Variants in SFI1 observed in about 807,000 individuals in gnomAD.
SFI1 encodes protein SFI1 homolog.
In SFI1, 195 loss-of-function variants were observed where a neutral mutation model predicts 207.5. The observed-to-expected ratio is 0.94, with a 90% confidence interval of 0.84 to 1.06. The LOEUF (loss-of-function observed/expected upper bound fraction) is 1.06. Among genes scored for constraint, SFI1 ranks in the 50% least tolerant of loss-of-function variants. The pLI, the probability that SFI1 is intolerant of heterozygous loss-of-function variation, is 0.00. For missense variants in SFI1, 1,634 were observed against 1,588.0 expected (o/e 1.03, Z -0.49); for synonymous variants, 630 against 598.9 (o/e 1.05, Z -0.76).
At position 31,549,495 on chromosome 22, in the gene SFI1, G is replaced by T. The variant is rs184480160; in HGVS notation, c.450-759G>T. On this transcript the variant is annotated intron_variant, in intron 5 of 32. Coordinates refer to ENST00000400288, the MANE Select transcript of SFI1 (RefSeq NM_001007467.3). ...CCCTCCTGCCTCAGCCTCCTGAGTA[G>T]CTGAGACTACAGGCACATGCTACTA... Among the ~76,000 whole-genome samples, 369 of 151,916 alleles carry T rather than the reference G, an allele frequency of 2.4e-3. 1 individual carries two copies. Among genetic ancestry groups the T allele is most frequent in the Non-Finnish European group, 4.2e-3 (288 of 67,976 alleles).
In SFI1 at chr22:31,546,648, T is replaced by C. The variant is rs899215754; in HGVS notation, c.339-213T>C. Among the ~76,000 whole-genome samples, 3 of 145,878 alleles carry C rather than the reference T, an allele frequency of 2.1e-5. 1 individual carries two copies. The highest frequency in any genetic ancestry group is 4.3e-4 in the South Asian group (2 of 4,608). On this transcript the variant is annotated intron_variant, in intron 4 of 32. Coordinates refer to ENST00000400288, the MANE Select transcript of SFI1 (RefSeq NM_001007467.3). Reference sequence around the variant, plus strand: ...GTTTACTTTTTTTTTTTTTTTTTTTTAGTAGAGACGGGGTTTCACCATGTT... The same window carrying C: ...GTTTACTTTTTTTTTTTTTTTTTTTCAGTAGAGACGGGGTTTCACCATGTT...
At chr22:31,505,715 T>C (rs573219033) in intron 1 of SFI1, among the ~76,000 whole-genome samples, 4 of 150,398 alleles carry the variant, frequency 2.7e-5, no homozygotes, top group African/African-American at 9.7e-5. Context: ...CAAGACCCTG[T>C]CTCTACAAAT....
rs374653434 is a variant in SFI1, at chr22:31,536,899, T to A, written c.338+5770T>A. Reference sequence around the variant, plus strand: ...GAGATTTGTTTTTTCTGTTTTTTGTTTTTTTTTTTAAAATTAACTTTTTTT... The same window carrying A: ...GAGATTTGTTTTTTCTGTTTTTTGTATTTTTTTTTAAAATTAACTTTTTTT... On this transcript the variant is annotated intron_variant, in intron 4 of 32. Transcript: ENST00000400288. Among the ~76,000 whole-genome samples the A allele has an allele frequency of 7.1e-3, 1,072 of 151,086 alleles. 19 individuals are homozygous for A. The highest frequency in any genetic ancestry group is 0.023 in the African/African-American group (969 of 41,266).
chr22:31,601,150 T>G (rs1376092013), intron 15 of SFI1, among the ~76,000 whole-genome samples: 5 of 80,684 alleles, frequency 6.2e-5, no homozygotes, highest in African/African-American at 1.7e-4. Flanking sequence ...TTTTTTTTTT[T>G]GCAACCTCTG....
chr22:31,498,820 A>T (rs1294795080), intron 1 of SFI1, among the ~76,000 whole-genome samples: 1 of 151,674 alleles, frequency 6.6e-6, no homozygotes, highest in Non-Finnish European at 1.5e-5. Context: ...CTGCAACCTC[A>T]TGATAAAACT....
At chr22:31,519,437 ATT>A (rs756071630) in intron 2 of SFI1, among the ~76,000 whole-genome samples, 9 of 137,568 alleles carry the variant, frequency 6.5e-5, no homozygotes, top group African/African-American at 1.3e-4. Flanking sequence ...CATCTGGCTA[ATT>A]TTTTTTTTTT....
chr22:31,611,223 G>A lies in SFI1; in HGVS notation c.2335G>A (p.Val779Met). Residue 779 changes from valine to methionine, a missense_variant, in exon 23 of 33, where the codon GTG (valine) becomes ATG (methionine). Transcript: ENST00000400288. ...GCAGAGACTGCAGCTGGAGAGGGCA[G>A]TGCAACACCACCACCGGCAGCTGCT... ...AQQRLQLERA[V>M]QHHHRQLLLE... is the part of the protein sequence containing the mutation. The A allele has an allele frequency of 3.7e-6, 6 of 1,613,958 alleles. No homozygotes were observed. Among genetic ancestry groups the A allele is most frequent in the Non-Finnish European group, 2.5e-6 (3 of 1,180,012 alleles).
chr22:31,591,747 C>T (rs1239443781), intron 15 of SFI1, among the ~76,000 whole-genome samples: 1 of 57,674 alleles, frequency 1.7e-5, no homozygotes, highest in Non-Finnish European at 3.3e-5. Context: ...CCTCACCTCC[C>T]GGACGGGGCG....
chr22:31,606,081 C>T (rs1213027280), intron 20 of SFI1: 2 of 487,222 alleles, frequency 4.1e-6, no homozygotes. Context: ...CCCCGTAGCA[C>T]CTGGAGTTTG....
chr22:31,546,809 G>C, intron 4 of SFI1, 52 bp from the exon 5 acceptor site: 1 of 1,258,674 alleles, frequency 7.9e-7, no homozygotes, highest in Non-Finnish European at 1.1e-6. Context: ...TTTGGGAAGA[G>C]ATGTTAGCTC....
rs190779031 is a variant in SFI1, at chr22:31,546,581, A to G, written c.339-280A>G. On this transcript the variant is annotated intron_variant, in intron 4 of 32. Coordinates refer to ENST00000400288, the MANE Select transcript of SFI1 (RefSeq NM_001007467.3). The stretch of plus-strand genomic sequence containing the variant: ...GTGATCCACCCGCCTTGGCCTCCCA[A>G]AGTACTGGGATTACAGGTGTGAGGC... Among the ~76,000 whole-genome samples, 529 of 151,588 alleles carry G rather than the reference A, an allele frequency of 3.5e-3. 1 individual carries two copies. Among genetic ancestry groups the G allele is most frequent in the Admixed American group, 6.2e-3 (94 of 15,218 alleles).
At chr22:31,617,234 CT>C (rs1481361785) in intron 31 of SFI1, among the ~76,000 whole-genome samples, 156 bp downstream of exon 31, 1 of 152,074 alleles carries the variant, frequency 6.6e-6, no homozygotes. Context: ...TCAGTGTGTG[CT>C]GTCCAGAAAG....
intron 14 of SFI1, among the ~76,000 whole-genome samples, chr22:31,586,279 G>A (rs866196783): frequency 2.2e-4 from 34 of 152,218 alleles, no homozygotes; most frequent in Middle Eastern, 6.8e-3. Flanking sequence ...CAGAGGCATA[G>A]CTTTATCAGA....
At chr22:31,507,650 T>A (rs553142562) in intron 1 of SFI1, among the ~76,000 whole-genome samples, 1 of 152,214 alleles carries the variant, frequency 6.6e-6, no homozygotes, top group South Asian at 2.1e-4. Flanking sequence ...TACAACATTA[T>A]GAGATAAAAA....
intron 2 of SFI1, among the ~76,000 whole-genome samples, chr22:31,514,128 G>A (rs1368109851): frequency 1.6e-5 from 2 of 125,408 alleles, no homozygotes; most frequent in African/African-American, 6.1e-5. Context: ...GTGACGGAGT[G>A]AAACTCCATC....
chr22:31,507,562 A>G (rs2054828004), intron 1 of SFI1, among the ~76,000 whole-genome samples: 1 of 152,208 alleles, frequency 6.6e-6, no homozygotes, highest in African/African-American at 2.4e-5. Flanking sequence ...AACTATCATC[A>G]GAGTAAACAG....
chr22:31,612,398 A>AAAAAATATATATATATAT (rs1556369798), intron 24 of SFI1: 1 of 60,202 alleles, frequency 1.7e-5, no homozygotes, highest in African/African-American at 6.6e-5. Flanking sequence ...AAAAAAAAAA[A>AAAAAATATATATATATAT]ATATATATAT....
Position 31,613,751 on chromosome 22 carries a change from T to TGCTGGG in SFI1, c.2900_2905dup (p.Ala967_Gly968dup). ...AGGGTCCCCTTCTCAACCGCATTGC[T>TGCTGGG]GCTGGGGCTGGGGATGGCACCCTTG... is the stretch of plus-strand genomic sequence containing the variant. On this transcript the variant is annotated inframe_insertion, in exon 27 of 33. Coordinates refer to ENST00000400288, the MANE Select transcript of SFI1 (RefSeq NM_001007467.3). 1 of 1,613,148 alleles carries TGCTGGG rather than the reference T, an allele frequency of 6.2e-7. No individual in the cohort carries two copies. Among genetic ancestry groups the TGCTGGG allele is most frequent in the East Asian group, 2.2e-5 (1 of 44,878 alleles).
rs748848091 is a variant in SFI1 at position 31,508,306 on chromosome 22, A to G, written c.22A>G (p.Lys8Glu). The change falls in exon 2 of 33, where the codon AAG becomes GAG. Residue 8 changes from lysine to glutamate, a missense_variant. Coordinates refer to ENST00000400288, the MANE Select transcript of SFI1 (RefSeq NM_001007467.3). MKNLLTE[K>E]CISSHNFHQK... ...ATTCATGAAGAATCTGCTCACTGAGAAGTGTATATCAAGCCACAATTTCCA... is the reference window on the plus strand; with the variant it reads ...ATTCATGAAGAATCTGCTCACTGAGGAGTGTATATCAAGCCACAATTTCCA... 12 of 1,612,642 alleles carry G rather than the reference A, an allele frequency of 7.4e-6. No individual in the cohort carries two copies. Among genetic ancestry groups the G allele is most frequent in the Admixed American group, 3.3e-5 (2 of 59,956 alleles).
Sources: allele counts gnomAD v4.1 joint callset (sites outside exome capture counted in the v4.1 genomes callset), GRCh38; gene constraint gnomAD v4.1.1; transcripts MANE v1.5; gene names NCBI Gene and HGNC (gene_info 2026-07-23, HGNC 2026-07-21).